Variants in GNAS-AS1 observed in about 807,000 individuals in gnomAD.
GNAS-AS1 encodes GNAS antisense RNA 1 (non-protein coding).
At chr20:58,825,855 C>T (rs541000549) in intron 4 of GNAS-AS1, among the ~76,000 whole-genome samples, 47 of 152,328 alleles carry the variant, frequency 3.1e-4, no homozygotes, top group African/African-American at 8.7e-4. Context: ...GCAATGCTCC[C>T]GGCATGGACG....
intron 4 of GNAS-AS1, among the ~76,000 whole-genome samples, chr20:58,831,870 A>G (rs1185794627): frequency 6.6e-6 from 1 of 152,228 alleles, no homozygotes; most frequent in Non-Finnish European, 1.5e-5. Flanking sequence ...CTCAAAATCA[A>G]GAATCAAAAT....
chr20:58,830,313 CCACACCATCAT>C (rs2085549767), intron 4 of GNAS-AS1, among the ~76,000 whole-genome samples: 2 of 145,588 alleles, frequency 1.4e-5, no homozygotes, highest in Admixed American at 6.8e-5. Context: ...ACCACCACCA[CCACACCATCAT>C]CATCACCACC....
intron 4 of GNAS-AS1, among the ~76,000 whole-genome samples, chr20:58,828,173 G>A (rs745612770): frequency 2.0e-5 from 3 of 152,174 alleles, no homozygotes; most frequent in South Asian, 2.1e-4. Context: ...AACCCTTCCC[G>A]GCTGCCATGT....
intron 4 of GNAS-AS1, among the ~76,000 whole-genome samples, chr20:58,830,512 A>AC (rs2085557253): frequency 1.3e-5 from 1 of 74,598 alleles, no homozygotes; most frequent in Non-Finnish European, 2.6e-5. Flanking sequence ...CACCACCATC[A>AC]TCACCACCAC....
chr20:58,840,145 T>A lies in GNAS-AS1; in HGVS notation n.819+1792A>T. 1 of 1,611,442 alleles carries A rather than the reference T, an allele frequency of 6.2e-7. No individual in the cohort carries two copies. The highest frequency in any genetic ancestry group is 1.7e-4 in the Middle Eastern group (1 of 6,060). On this transcript the variant is annotated intron_variant and non_coding_transcript_variant, in intron 4 of 4. Coordinates refer to ENST00000424094, the Ensembl canonical transcript of GNAS-AS1. The surrounding 1 kb of genome is among the most constrained non-coding windows in gnomAD (Gnocchi z 6.0). ...CCCGGGCTCAGCAGTGGCGCCGAGC[T>A]CGCCATAATTACAACGACCTGTGCC...
At chr20:58,842,479 C>A in exon 3 of GNAS-AS1, 1 of 398,602 alleles carries the variant, frequency 2.5e-6, no homozygotes, top group Non-Finnish European at 4.4e-6. Flanking sequence ...AAAGGCGTCG[C>A]GGCGCCCAAG....
chr20:58,841,925 A>G lies in GNAS-AS1; in HGVS notation n.819+12T>C. On this transcript the variant is annotated intron_variant and non_coding_transcript_variant, in intron 4 of 4. Coordinates refer to ENST00000424094, the Ensembl canonical transcript of GNAS-AS1. This position sits in a 1 kb window ranked among gnomAD's most constrained non-coding sequence, Gnocchi z 5.0. ...GGAGACGGGGGTCGCGTCTAACATC[A>G]GGATAACTTACAATTCGTTTCCAAA... The G allele has an allele frequency of 8.3e-7, 1 of 1,209,524 alleles. No individual in the cohort carries two copies. The highest frequency in any genetic ancestry group is 4.2e-5 in the South Asian group (1 of 23,852). The allele number at this position is 1,209,524 out of a possible 1,614,324, so 74.9% of individuals were successfully genotyped here.
Position 58,841,470 on chromosome 20 carries a change from C to A in GNAS-AS1, n.819+467G>T. 2.0e-6 allele frequency: 2 copies of A among 991,580 alleles called. No homozygotes were observed. 61.4% of individuals were successfully genotyped at this position (991,580 alleles called of 1,614,324 possible). ...GCGCGGCGCCTAAGCAGCTCAGAGCCGGAGCCCAGGTCCCAGAGCTGACAA... is the reference window on the plus strand; with the variant it reads ...GCGCGGCGCCTAAGCAGCTCAGAGCAGGAGCCCAGGTCCCAGAGCTGACAA... On this transcript the variant is annotated intron_variant and non_coding_transcript_variant, in intron 4 of 4. Transcript: ENST00000424094. The surrounding 1 kb of genome is among the most constrained non-coding windows in gnomAD (Gnocchi z 5.0).
At chr20:58,833,188 A>G (rs531321040) in intron 4 of GNAS-AS1, among the ~76,000 whole-genome samples, 1 of 152,318 alleles carries the variant, frequency 6.6e-6, no homozygotes, top group African/African-American at 2.4e-5. Context: ...GTGGCTCCTC[A>G]CATGCCTGAA....
intron 4 of GNAS-AS1, among the ~76,000 whole-genome samples, chr20:58,838,206 G>A (rs1219153027): frequency 6.6e-6 from 1 of 152,174 alleles, no homozygotes; most frequent in East Asian, 1.9e-4. Context: ...AATCATCATG[G>A]AGGGCCAGAC....
intron 4 of GNAS-AS1, among the ~76,000 whole-genome samples, chr20:58,820,728 C>T (rs756201854): frequency 6.6e-6 from 1 of 152,248 alleles, no homozygotes; most frequent in Non-Finnish European, 1.5e-5. Context: ...ACATGGATGG[C>T]AGCAGGCAAA....
In GNAS-AS1 at chr20:58,840,852, C is replaced by G; in HGVS notation, n.819+1085G>C. 2 of 1,612,780 alleles carry G rather than the reference C, an allele frequency of 1.2e-6. No individual in the cohort carries two copies. The highest frequency in any genetic ancestry group is 1.7e-6 in the Non-Finnish European group (2 of 1,179,914). ...CCCATCCGGCGTCACTAATGGAGGA[C>G]GCCGTCCAGATTCTCCTTGTTTTCA... is the stretch of plus-strand genomic sequence containing the variant. On this transcript the variant is annotated intron_variant and non_coding_transcript_variant, in intron 4 of 4. Transcript: ENST00000424094. This position sits in a 1 kb window ranked among gnomAD's most constrained non-coding sequence, Gnocchi z 6.0.
chr20:58,829,025 G>A (rs1238854654), intron 4 of GNAS-AS1, among the ~76,000 whole-genome samples: 1 of 148,886 alleles, frequency 6.7e-6, no homozygotes, highest in Non-Finnish European at 1.5e-5. Flanking sequence ...AGAGCTCCTG[G>A]CCCCACCGCC....
At chr20:58,842,619 A>C in intron 2 of GNAS-AS1, 1 of 397,522 alleles carries the variant, frequency 2.5e-6, no homozygotes, top group Non-Finnish European at 4.4e-6. Flanking sequence ...AGAAGTTTGG[A>C]GGCTGCGGAA....
At chr20:58,845,700 T>C (rs1432028181) in intron 2 of GNAS-AS1, among the ~76,000 whole-genome samples, 1 of 152,202 alleles carries the variant, frequency 6.6e-6, no homozygotes, top group Non-Finnish European at 1.5e-5. Flanking sequence ...CTCATGAGTT[T>C]TTTCAAACGC....
intron 2 of GNAS-AS1, among the ~76,000 whole-genome samples, chr20:58,845,133 T>C (rs1338761275): frequency 1.3e-5 from 2 of 152,158 alleles, no homozygotes; most frequent in Non-Finnish European, 2.9e-5. Flanking sequence ...AGTACTGACC[T>C]AGTACTGCAG....
chr20:58,830,313 C>CCAT (rs2085549746), intron 4 of GNAS-AS1, among the ~76,000 whole-genome samples: 1 of 145,590 alleles, frequency 6.9e-6, no homozygotes, highest in Non-Finnish European at 1.5e-5. Flanking sequence ...ACCACCACCA[C>CCAT]CACACCATCA....
At chr20:58,846,728 C>T (rs778789101) in intron 2 of GNAS-AS1, among the ~76,000 whole-genome samples, 2 of 152,158 alleles carry the variant, frequency 1.3e-5, no homozygotes, top group Non-Finnish European at 2.9e-5. Context: ...TGGCTTATGT[C>T]GCTGTCTTAA....
At chr20:58,832,258 C>T (rs1438201921) in intron 4 of GNAS-AS1, among the ~76,000 whole-genome samples, 1 of 152,142 alleles carries the variant, frequency 6.6e-6, no homozygotes, top group East Asian at 1.9e-4. Context: ...ATCAAACTCA[C>T]ATAGGATATA....
Sources: allele counts gnomAD v4.1 joint callset (sites outside exome capture counted in the v4.1 genomes callset), GRCh38; gene constraint gnomAD v4.1.1; non-coding constraint Gnocchi (gnomAD v3.1); transcripts MANE v1.5; gene names NCBI Gene and HGNC (gene_info 2026-07-23, HGNC 2026-07-21).